Variants in ZBTB38 observed in about 807,000 individuals in gnomAD.
ZBTB38 encodes the protein zinc finger and BTB domain-containing protein 38.
ZBTB38 carries 20 observed loss-of-function variants against 76.8 expected under a neutral mutation model. The ratio of observed to expected loss-of-function variants is 0.26; its 90% CI spans 0.18 to 0.38. The LOEUF (loss-of-function observed/expected upper bound fraction) is 0.38, where lower values mean the gene tolerates loss of function less well. Ranked by LOEUF, ZBTB38 falls within the 10% of genes least tolerant of loss-of-function variation. The pLI is 1.00. For synonymous variants in ZBTB38, 504 were observed against 544.2 expected (o/e 0.93, Z 1.03); for missense variants, 1,082 against 1,482.3 (o/e 0.73, Z 4.43).
chr3:141,349,512 C>G (rs1036945210), intron 1 of ZBTB38, among the ~76,000 whole-genome samples: 1 of 152,148 alleles, frequency 6.6e-6, no homozygotes, highest in Non-Finnish European at 1.5e-5. Flanking sequence ...ACCTTATTGT[C>G]TCATTCTGAA....
At chr3:141,425,995 T>TTAAAAA in intron 5 of ZBTB38, 2 of 429,770 alleles carry the variant, frequency 4.7e-6, no homozygotes, top group East Asian at 7.2e-5. Context: ...AGCACATATA[T>TTAAAAA]GCTTGTTAGG....
At chr3:141,365,873 CT>C (rs201118111), upstream of ZBTB38, among the ~76,000 whole-genome samples, 1,352 of 152,174 alleles carry the variant, frequency 8.9e-3, 24 homozygotes, top group African/African-American at 0.031. Flanking sequence ...AGTGAACTTT[CT>C]GATATGTAAA....
At position 141,415,928 on chromosome 3, in the gene ZBTB38, A is replaced by G. The variant is rs186881067; in HGVS notation, c.-1+11897A>G. ...TTTAGGGGACAGAAAACCTTTGTGT[A>G]TCAGGGAACTGACATAAATAATTAT... On this transcript the variant is annotated intron_variant, in intron 5 of 5. Transcript: ENST00000321464. 5.3e-5 allele frequency among the ~76,000 whole-genome samples: 8 copies of G among 152,316 alleles called. No individual in the cohort carries two copies. In the East Asian group the frequency reaches 1.5e-3, roughly 29 times the overall value.
In ZBTB38 at chr3:141,377,951, T is replaced by G. The variant is rs1282094939; in HGVS notation, c.-234-3474T>G. On this transcript the variant is annotated intron_variant, in intron 2 of 5. Transcript: ENST00000321464. ...TTGTAATCCCAGCACTTTGGGAGGCTGAGGCAGGAGTGCCCAGGAGTTCGA... is the reference window on the plus strand; with the variant it reads ...TTGTAATCCCAGCACTTTGGGAGGCGGAGGCAGGAGTGCCCAGGAGTTCGA... Among the ~76,000 whole-genome samples, 3 of 152,096 alleles carry G rather than the reference T, an allele frequency of 2.0e-5. No homozygotes were observed. The East Asian group carries it at 5.8e-4, about 29-fold the overall frequency.
At position 141,439,160 on chromosome 3, in the gene ZBTB38, C is replaced by G. The variant is rs969734690; in HGVS notation, c.1-3229C>G. Reference sequence around the variant, plus strand: ...TGATTAGTTGACAGTTCTCTTTCTTCCCCTAGACTCTGGGCTCCTTGAGAG... The same window carrying G: ...TGATTAGTTGACAGTTCTCTTTCTTGCCCTAGACTCTGGGCTCCTTGAGAG... On this transcript the variant is annotated intron_variant, in intron 5 of 5. Coordinates refer to ENST00000321464, the MANE Select transcript of ZBTB38 (RefSeq NM_001376113.1). Among the ~76,000 whole-genome samples, 3 of 152,276 alleles carry G rather than the reference C, an allele frequency of 2.0e-5. 1 individual carries two copies. Among genetic ancestry groups the G allele is most frequent in the Middle Eastern group, 3.4e-3 (1 of 294 alleles).
intron 1 of ZBTB38, among the ~76,000 whole-genome samples, chr3:141,349,446 T>A (rs1943458049): frequency 2.0e-5 from 3 of 152,276 alleles, no homozygotes; most frequent in Non-Finnish European, 4.4e-5. Context: ...AGTAAGCTCA[T>A]TCCAGGTGCA....
At chr3:141,335,027 TGACACTACCGCCTCTGCTGCC>T (rs1942976223) in intron 1 of ZBTB38, among the ~76,000 whole-genome samples, 1 of 151,912 alleles carries the variant, frequency 6.6e-6, no homozygotes, top group Non-Finnish European at 1.5e-5. Context: ...TCTGCATGTC[TGACACTACCGCCTCTGCTGCC>T]GACACTACCG....
chr3:141,435,333 T>C (rs2078515065), intron 5 of ZBTB38, among the ~76,000 whole-genome samples: 1 of 152,234 alleles, frequency 6.6e-6, no homozygotes, highest in Non-Finnish European at 1.5e-5. Context: ...TGCTGAATTA[T>C]ATGTTCATCC....
At chr3:141,408,897 A>G (rs1187326933) in intron 5 of ZBTB38, among the ~76,000 whole-genome samples, 1 of 152,236 alleles carries the variant, frequency 6.6e-6, no homozygotes, top group African/African-American at 2.4e-5. Flanking sequence ...CCAAGGAAAG[A>G]GGATGGAACT....
intron 4 of ZBTB38, among the ~76,000 whole-genome samples, chr3:141,390,406 C>A (rs900583458): frequency 3.9e-5 from 6 of 152,154 alleles, no homozygotes; most frequent in Admixed American, 6.5e-5. Context: ...ATGTGGTTTT[C>A]TGTTGGAATG....
At chr3:141,434,500 C>A (rs1179404485) in intron 5 of ZBTB38, among the ~76,000 whole-genome samples, 1 of 152,092 alleles carries the variant, frequency 6.6e-6, no homozygotes, top group Non-Finnish European at 1.5e-5. Context: ...AGTCTTTGAC[C>A]ATGAGCATAG....
In ZBTB38 at chr3:141,446,047, C is replaced by T. The variant is rs1258154906; in HGVS notation, c.*71C>T. The T allele has an allele frequency of 5.4e-6, 7 of 1,297,996 alleles. No individual in the cohort carries two copies. Among genetic ancestry groups the T allele is most frequent in the Non-Finnish European group, 6.2e-6 (6 of 961,104 alleles). 80.4% of individuals were successfully genotyped at this position (1,297,996 alleles called of 1,614,324 possible). A position where few individuals can be genotyped will look rare whatever the true frequency, so the allele number is the denominator to read the frequency against. On this transcript the variant is annotated 3_prime_UTR_variant, in exon 6 of 6. Transcript: ENST00000321464. ...TTTAGTTATGATTTAAGTTTAGTTT[C>T]ATTTTGTCCATGTGACAGTCATGAA...
rs1435377030 is a variant in ZBTB38, at chr3:141,444,191, T to C, written c.1803T>C (p.Gly601=). The C allele has an allele frequency of 1.9e-6, 3 of 1,614,110 alleles. No homozygotes were observed. Among genetic ancestry groups the C allele is most frequent in the East Asian group, 2.2e-5 (1 of 44,898 alleles). ...ENSQMNESAP[G]TYVVQNPHSS... ...GTCAAATGAATGAGTCTGCACCTGG[T>C]ACCTATGTTGTTCAGAATCCACACA... The change falls in exon 6 of 6, where the codon GGT becomes GGC. Residue 601 remains glycine, a synonymous_variant. Transcript: ENST00000321464. The surrounding 1 kb of genome is among the most constrained non-coding windows in gnomAD (Gnocchi z 5.1).
intron 5 of ZBTB38, among the ~76,000 whole-genome samples, chr3:141,423,616 A>G (rs983072638): frequency 3.3e-5 from 5 of 152,222 alleles, no homozygotes; most frequent in Admixed American, 1.3e-4. Flanking sequence ...CCCACAGAAG[A>G]GGAAAGGAAA....
chr3:141,334,452 T>TCTTCCTTCCTTC (rs57217285), intron 1 of ZBTB38, among the ~76,000 whole-genome samples: 1 of 129,034 alleles, frequency 7.7e-6, no homozygotes, highest in Admixed American at 7.5e-5. Flanking sequence ...TTCTTTCCTT[T>TCTTCCTTCCTTC]CTTCCTTCCT....
rs531355575 is a variant in ZBTB38 at position 141,413,254 on chromosome 3, C to T, written c.-1+9223C>T. On this transcript the variant is annotated intron_variant, in intron 5 of 5. Transcript: ENST00000321464. This position sits in a 1 kb window ranked among gnomAD's most constrained non-coding sequence, Gnocchi z 4.1. The stretch of plus-strand genomic sequence containing the variant: ...TGGGGAGGAGGTGGGGAAGACCCAG[C>T]CGGCCGAGAGCCTCAGCCACCTTCC... Among the ~76,000 whole-genome samples the T allele has an allele frequency of 1.3e-5, 2 of 152,316 alleles. No homozygotes were observed. Among genetic ancestry groups the T allele is most frequent in the Admixed American group, 1.3e-4 (2 of 15,306 alleles).
At chr3:141,409,218 G>C (rs1461264686) in intron 5 of ZBTB38, among the ~76,000 whole-genome samples, 1 of 152,070 alleles carries the variant, frequency 6.6e-6, no homozygotes, top group Non-Finnish European at 1.5e-5. Flanking sequence ...GCTAATTTTT[G>C]TATTTTTAGT....
intron 4 of ZBTB38, chr3:141,392,701 A>G (rs1949251379): frequency 6.6e-6 from 1 of 152,224 alleles, no homozygotes. Context: ...GGTGACCTCA[A>G]TAACGGCTGC....
chr3:141,372,286 C>T (rs1239814426), intron 2 of ZBTB38, among the ~76,000 whole-genome samples: 2 of 152,148 alleles, frequency 1.3e-5, no homozygotes, highest in African/African-American at 2.4e-5. Context: ...TCTGTCTTTC[C>T]AAGTTGTTAG....
Sources: allele counts gnomAD v4.1 joint callset (sites outside exome capture counted in the v4.1 genomes callset), GRCh38; gene constraint gnomAD v4.1.1; non-coding constraint Gnocchi (gnomAD v3.1); transcripts MANE v1.5; gene names NCBI Gene and HGNC (gene_info 2026-07-23, HGNC 2026-07-21).